Variants in WDR4 observed in about 807,000 individuals in gnomAD.
The protein encoded by WDR4 is tRNA (guanine-N(7)-)-methyltransferase non-catalytic subunit WDR4.
Under a neutral mutation model 48.6 loss-of-function variants are expected in WDR4, and 47 were observed. That is an observed-to-expected ratio of 0.97 (90% CI 0.77 to 1.23). The LOEUF is 1.23. Among genes scored for constraint, WDR4 ranks in the 50% most tolerant of loss-of-function variants. The pLI, the probability that WDR4 is intolerant of heterozygous loss-of-function variation, is 0.00. For synonymous variants in WDR4, 268 were observed against 230.0 expected, an observed-to-expected ratio of 1.17 and a Z score of -1.49; for missense variants, 606 against 551.6, an observed-to-expected ratio of 1.10 and a Z score of -0.99.
At chr21:42,846,565 G>A (rs1299873191), downstream of WDR4, among the ~76,000 whole-genome samples, 9 of 152,130 alleles carry the variant, frequency 5.9e-5, no homozygotes, top group African/African-American at 9.7e-5. Flanking sequence ...GAAGAAAGAC[G>A]GGCTGGGCAT....
At chr21:42,880,616 G>C (rs1178107581), upstream of WDR4, among the ~76,000 whole-genome samples, 1 of 152,136 alleles carries the variant, frequency 6.6e-6, no homozygotes, top group Admixed American at 6.5e-5. Flanking sequence ...GTCTTAACCA[G>C]GCCCGAGTTC....
At chr21:42,852,375 C>A (rs1602693845) in intron 9 of WDR4, 51 bp from the exon 10 acceptor site, 1 of 1,597,150 alleles carries the variant, frequency 6.3e-7, no homozygotes, top group Non-Finnish European at 8.6e-7. Context: ...GGCCTGGAAA[C>A]CCAGCACCAG....
At chr21:42,871,715 G>C (rs2058373005) in intron 3 of WDR4, among the ~76,000 whole-genome samples, 1 of 152,242 alleles carries the variant, frequency 6.6e-6, no homozygotes, top group South Asian at 2.1e-4. Context: ...AAAGGAGCCA[G>C]AAGGTGGGTA....
chr21:42,884,244 C>G (rs756945504), upstream of WDR4, among the ~76,000 whole-genome samples: 2 of 152,120 alleles, frequency 1.3e-5, no homozygotes, highest in African/African-American at 2.4e-5. Flanking sequence ...TGTGAACATT[C>G]CACTGGGAAT....
rs113131841 is a variant in WDR4 at position 42,871,042 on chromosome 21, G to A, written c.296+2509C>T. 5.8e-3 allele frequency among the ~76,000 whole-genome samples: 889 copies of A among 152,282 alleles called. 9 individuals are homozygous for A. The highest frequency in any genetic ancestry group is 0.02 in the African/African-American group (814 of 41,558). ...ATAGGACCTTTACAGAGGTGAAACA[G>A]AGGTCATTGGGATAGCCCTGACCCC... On this transcript the variant is annotated intron_variant, in intron 3 of 10. Coordinates refer to ENST00000398208, the MANE Select transcript of WDR4 (RefSeq NM_018669.6).
the WDR4 span, among the ~76,000 whole-genome samples, chr21:42,891,538 G>A: frequency 2.4e-4 from 37 of 152,212 alleles, no homozygotes; most frequent in African/African-American, 8.2e-4. Context: ...GGAGGGTGAC[G>A]TGGATCTTCC....
downstream of WDR4, among the ~76,000 whole-genome samples, chr21:42,844,450 G>A (rs760304617): frequency 7.9e-5 from 12 of 152,244 alleles, no homozygotes; most frequent in Non-Finnish European, 1.6e-4. Context: ...AACAGGAACA[G>A]AGGGTTCCAC....
chr21:42,881,226 T>C (rs1302306233), upstream of WDR4, among the ~76,000 whole-genome samples: 2 of 152,168 alleles, frequency 1.3e-5, no homozygotes, highest in Admixed American at 1.3e-4. Flanking sequence ...ATTTAAATCA[T>C]TGAGATCACC....
rs893330884 is a variant in WDR4 at position 42,851,820 on chromosome 21, C to T, written c.1045+435G>A. Among the ~76,000 whole-genome samples the T allele has an allele frequency of 2.0e-5, 3 of 152,188 alleles. No homozygotes were observed. The South Asian group carries it at 6.2e-4, about 31-fold the overall frequency. On this transcript the variant is annotated intron_variant, in intron 10 of 10. Transcript: ENST00000398208. ...CCCTGCTCAGCCTCCTGAAGACCCCCGGGGCCTCTGGCTAGACCCCCACTA... is the reference window on the plus strand; with the variant it reads ...CCCTGCTCAGCCTCCTGAAGACCCCTGGGGCCTCTGGCTAGACCCCCACTA...
At chr21:42,852,499 T>C (rs1426398980) in intron 9 of WDR4, among the ~76,000 whole-genome samples, 175 bp from the exon 10 acceptor site, 1 of 152,230 alleles carries the variant, frequency 6.6e-6, no homozygotes, top group Non-Finnish European at 1.5e-5. Flanking sequence ...AGCTGGCCCA[T>C]GATGCCAGGG....
chr21:42,846,064 C>G (rs934203971), downstream of WDR4, among the ~76,000 whole-genome samples: 8 of 151,870 alleles, frequency 5.3e-5, no homozygotes, highest in Non-Finnish European at 1.0e-4. Flanking sequence ...CCCAGGAGGC[C>G]CAGCGAGCCA....
intron 3 of WDR4, among the ~76,000 whole-genome samples, chr21:42,865,529 G>T (rs111440578): frequency 6.6e-5 from 10 of 152,114 alleles, no homozygotes; most frequent in African/African-American, 2.2e-4. Context: ...ACTGCTCCGC[G>T]TCCCTTTGTC....
downstream of WDR4, among the ~76,000 whole-genome samples, chr21:42,845,720 G>A (rs1189291880): frequency 6.6e-6 from 1 of 152,232 alleles, no homozygotes; most frequent in African/African-American, 2.4e-5. Flanking sequence ...CGTTTTCCAC[G>A]CTGGGGTCGG....
intron 5 of WDR4, among the ~76,000 whole-genome samples, chr21:42,861,843 A>G (rs889983511): frequency 1.3e-5 from 2 of 152,204 alleles, no homozygotes; most frequent in South Asian, 4.1e-4. Flanking sequence ...ACACCTCCAC[A>G]TGGGTCCTGG....
intron 8 of WDR4, 54 bp downstream of exon 8, chr21:42,854,507 CT>C: frequency 6.4e-7 from 1 of 1,573,776 alleles, no homozygotes; most frequent in Middle Eastern, 1.8e-4. Context: ...CCCGCTAACT[CT>C]TCCCCCTGCA....
At chr21:42,854,288 G>GA (rs35666894) in intron 8 of WDR4, among the ~76,000 whole-genome samples, 1 of 152,230 alleles carries the variant, frequency 6.6e-6, no homozygotes, top group Non-Finnish European at 1.5e-5. Context: ...TGGCCCAGGG[G>GA]AAAGTCTGTC....
At chr21:42,879,222 G>C in intron 1 of WDR4, 185 bp downstream of exon 1, 1 of 1,307,740 alleles carries the variant, frequency 7.6e-7, no homozygotes, top group Non-Finnish European at 9.7e-7. Context: ...CGGCGAAAGC[G>C]GACCCTCCAG....
At chr21:42,864,127 A>G (rs1055096892) in intron 3 of WDR4, among the ~76,000 whole-genome samples, 6 of 147,292 alleles carry the variant, frequency 4.1e-5, no homozygotes, top group Admixed American at 3.4e-4. Context: ...AAAAAAAAAA[A>G]AAAGAAAAGA....
chr21:42,854,953 A>G (rs2057947684), intron 7 of WDR4, among the ~76,000 whole-genome samples: 1 of 152,050 alleles, frequency 6.6e-6, no homozygotes, highest in South Asian at 2.1e-4. Context: ...TACACATACA[A>G]CTGCCCTGTG....
Sources: gnomAD v4.1 joint callset for allele counts (sites outside exome capture counted in the v4.1 genomes callset) on GRCh38, gnomAD v4.1.1 for gene constraint, MANE v1.5 for transcripts, NCBI Gene and HGNC (gene_info 2026-07-23, HGNC 2026-07-21) for gene names.